The following PRDM16 variants were observed in gnomAD, a reference collection of about 807,000 sequenced individuals.
PRDM16 encodes histone-lysine N-methyltransferase PRDM16.
A neutral mutation model predicts 110.6 loss-of-function variants in PRDM16; 23 were observed. That is an observed-to-expected ratio of 0.21 (90% CI 0.15 to 0.29). The LOEUF (loss-of-function observed/expected upper bound fraction) is 0.29. Among genes scored for constraint, PRDM16 ranks in the 10% least tolerant of loss-of-function variants. The pLI is 1.00. For missense variants in PRDM16, 1,615 were observed against 1,794.3 expected, an observed-to-expected ratio of 0.90 and a Z score of 1.81; for synonymous variants, 799 against 781.8, an observed-to-expected ratio of 1.02 and a Z score of -0.37.
intron 1 of PRDM16, among the ~76,000 whole-genome samples, chr1:3,108,053 G>C (rs1243844661): frequency 6.6e-6 from 1 of 152,248 alleles, no homozygotes; most frequent in African/African-American, 2.4e-5. Context: ...CCTTTCTCCA[G>C]ACAAACCTTG....
chr1:3,242,889 GTATAC>G (rs1639706830), intron 2 of PRDM16, among the ~76,000 whole-genome samples: 1 of 152,176 alleles, frequency 6.6e-6, no homozygotes, highest in Non-Finnish European at 1.5e-5. Context: ...TGCGGTTTCC[GTATAC>G]TCGACCGTGC....
rs756110647 is a variant in PRDM16, at chr1:3,231,043, C to T, written c.388-13044C>T. 5.3e-5 allele frequency among the ~76,000 whole-genome samples: 8 copies of T among 152,278 alleles called. No individual in the cohort carries two copies. In the East Asian group the frequency reaches 9.6e-4, roughly 18 times the overall value. ...AAGGACATGAGTGCCCTCTTATCTCCGTCCTCCTTGGAGCCGTGGTGTCTC... is the reference window on the plus strand; with the variant it reads ...AAGGACATGAGTGCCCTCTTATCTCTGTCCTCCTTGGAGCCGTGGTGTCTC... On this transcript the variant is annotated intron_variant, in intron 2 of 16. Coordinates refer to ENST00000270722, the MANE Select transcript of PRDM16 (RefSeq NM_022114.4).
chr1:3,347,392 G>GC (rs1642381759), intron 3 of PRDM16, among the ~76,000 whole-genome samples: 1 of 152,242 alleles, frequency 6.6e-6, no homozygotes, highest in Non-Finnish European at 1.5e-5. Flanking sequence ...CCAGGAAGGA[G>GC]CCCGGAACAC....
chr1:3,334,776 G>T (rs1340240293), intron 3 of PRDM16, among the ~76,000 whole-genome samples: 2 of 152,214 alleles, frequency 1.3e-5, no homozygotes, highest in Non-Finnish European at 2.9e-5. Context: ...TGCTCGCCGG[G>T]AACAGAGCAA....
In PRDM16 at chr1:3,081,945, T is replaced by C. The variant is rs923853312; in HGVS notation, c.37+12649T>C. 2.0e-5 allele frequency among the ~76,000 whole-genome samples: 3 copies of C among 152,196 alleles called. No individual in the cohort carries two copies. The highest frequency in any genetic ancestry group is 7.2e-5 in the African/African-American group (3 of 41,448). On this transcript the variant is annotated intron_variant, in intron 1 of 16. Coordinates refer to ENST00000270722, the MANE Select transcript of PRDM16 (RefSeq NM_022114.4). This position sits in a 1 kb window ranked among gnomAD's most constrained non-coding sequence, Gnocchi z 4.6. ...TCAGGATGGGCAGATGAAGCCACAG[T>C]GTGCCAAGGCAGCGGCAAAGCCCCC...
rs553106310 is a variant in PRDM16, at chr1:3,190,868, C to T, written c.387+4394C>T. 2.6e-5 allele frequency among the ~76,000 whole-genome samples: 4 copies of T among 152,352 alleles called. No homozygotes were observed. The highest frequency in any genetic ancestry group is 2.6e-4 in the Admixed American group (4 of 15,310). On this transcript the variant is annotated intron_variant, in intron 2 of 16. Transcript: ENST00000270722. The surrounding 1 kb of genome is among the most constrained non-coding windows in gnomAD (Gnocchi z 5.0). ...TATTTTGCTAATTAAGAGGCGGCTGCCCGGTGACAGCCCAGAGGGAGGAGG... is the reference window on the plus strand; with the variant it reads ...TATTTTGCTAATTAAGAGGCGGCTGTCCGGTGACAGCCCAGAGGGAGGAGG...
chr1:3,327,864 C>A (rs1192960705), intron 3 of PRDM16, among the ~76,000 whole-genome samples: 1 of 152,260 alleles, frequency 6.6e-6, no homozygotes, highest in Non-Finnish European at 1.5e-5. Flanking sequence ...CCTGGGAAGC[C>A]AAGGCCACTG....
rs1639778644 is a variant in PRDM16, at chr1:3,245,822, A to G, written c.438+1685A>G. ...TGCAGTATTTTCACTTCCCACAAAA[A>G]GTGACCTGCAGTTAGTGCGAATCCC... On this transcript the variant is annotated intron_variant, in intron 3 of 16. Coordinates refer to ENST00000270722, the MANE Select transcript of PRDM16 (RefSeq NM_022114.4). This position sits in a 1 kb window ranked among gnomAD's most constrained non-coding sequence, Gnocchi z 4.7. Among the ~76,000 whole-genome samples, 1 of 152,126 alleles carries G rather than the reference A, an allele frequency of 6.6e-6. No homozygotes were observed. The highest frequency in any genetic ancestry group is 1.5e-5 in the Non-Finnish European group (1 of 68,038).
chr1:3,311,512 A>G, intron 3 of PRDM16, among the ~76,000 whole-genome samples: 1 of 152,162 alleles, frequency 6.6e-6, no homozygotes. Flanking sequence ...GCAGTAGGAG[A>G]AAGAGAAGAA....
chr1:3,259,504 T>C (rs765086158), intron 3 of PRDM16, among the ~76,000 whole-genome samples: 14 of 151,984 alleles, frequency 9.2e-5, no homozygotes, highest in Non-Finnish European at 1.8e-4. Flanking sequence ...TTTCTTCCCC[T>C]CCACATAATC....
rs1421704504 is a variant in PRDM16 at position 3,190,445 on chromosome 1, C to T, written c.387+3971C>T. ...TTGGGAGGGCCGCCCCCTCCTCTCT[C>T]CCTCCTGTGTGTTAGGAATAGTCGC... On this transcript the variant is annotated intron_variant, in intron 2 of 16. Transcript: ENST00000270722. This position sits in a 1 kb window ranked among gnomAD's most constrained non-coding sequence, Gnocchi z 5.0. Among the ~76,000 whole-genome samples the T allele has an allele frequency of 6.6e-6, 1 of 152,218 alleles. No homozygotes were observed. The highest frequency in any genetic ancestry group is 1.5e-5 in the Non-Finnish European group (1 of 68,040).
chr1:3,369,245 CTCTG>C (rs1370830352), intron 3 of PRDM16, among the ~76,000 whole-genome samples: 4 of 152,232 alleles, frequency 2.6e-5, no homozygotes, highest in Admixed American at 1.3e-4. Flanking sequence ...TCTGCAGCAC[CTCTG>C]TCTGTGAATC....
intron 14 of PRDM16, among the ~76,000 whole-genome samples, chr1:3,428,566 G>T (rs1417988583): frequency 5.3e-5 from 8 of 152,208 alleles, no homozygotes; most frequent in African/African-American, 1.9e-4. Flanking sequence ...GGTCCTGAGA[G>T]CCCCTGCGTC....
rs547341854 is a variant in PRDM16 at position 3,289,478 on chromosome 1, A to G, written c.438+45341A>G. Among the ~76,000 whole-genome samples the G allele has an allele frequency of 7.9e-5, 12 of 152,340 alleles. 1 individual carries two copies. The South Asian group carries it at 2.5e-3, about 32-fold the overall frequency. On this transcript the variant is annotated intron_variant, in intron 3 of 16. Transcript: ENST00000270722. ...CACGCTGTTTTTGTTTGGTGCTTCCAGAAATCATTTCATCCTCCTCACCCA... is the reference window on the plus strand; with the variant it reads ...CACGCTGTTTTTGTTTGGTGCTTCCGGAAATCATTTCATCCTCCTCACCCA...
chr1:3,102,194 G>T (rs546038940), intron 1 of PRDM16, among the ~76,000 whole-genome samples: 5 of 152,148 alleles, frequency 3.3e-5, no homozygotes, highest in Admixed American at 3.3e-4. Flanking sequence ...GAGTCCAGCC[G>T]CACAGGGAGC....
chr1:3,325,569 G>A (rs564192058), intron 3 of PRDM16, among the ~76,000 whole-genome samples: 44 of 152,344 alleles, frequency 2.9e-4, no homozygotes, highest in African/African-American at 9.1e-4. Flanking sequence ...TGGAGCTGCT[G>A]TAACAAAGTA....
In PRDM16 at chr1:3,245,786, T is replaced by C. The variant is rs1639777573; in HGVS notation, c.438+1649T>C. ...GGAAACAGTTAGCAGCGCTGCTGTA[T>C]TTCCGAGAACTGCAGTATTTTCACT... On this transcript the variant is annotated intron_variant, in intron 3 of 16. Transcript: ENST00000270722. This position sits in a 1 kb window ranked among gnomAD's most constrained non-coding sequence, Gnocchi z 4.7. 6.6e-6 allele frequency among the ~76,000 whole-genome samples: 1 copy of C among 152,222 alleles called. No individual in the cohort carries two copies. Among genetic ancestry groups the C allele is most frequent in the Non-Finnish European group, 1.5e-5 (1 of 68,046 alleles).
chr1:3,260,715 G>T (rs1180134256), intron 3 of PRDM16, among the ~76,000 whole-genome samples: 1 of 147,774 alleles, frequency 6.8e-6, no homozygotes, highest in Non-Finnish European at 1.5e-5. Flanking sequence ...TGGTGGTGGG[G>T]TGATGACGGT....
chr1:3,415,671 C>T (rs1638227979), intron 10 of PRDM16, among the ~76,000 whole-genome samples: 1 of 152,250 alleles, frequency 6.6e-6, no homozygotes, highest in African/African-American at 2.4e-5. Flanking sequence ...GCGGGAGAGG[C>T]CCACCCAGGC....
Sources: gnomAD v4.1 joint callset for allele counts (sites outside exome capture counted in the v4.1 genomes callset) on GRCh38, gnomAD v4.1.1 for gene constraint, Gnocchi (gnomAD v3.1) non-coding constraint, MANE v1.5 for transcripts, NCBI Gene and HGNC (gene_info 2026-07-23, HGNC 2026-07-21) for gene names.